GPR179: variants seen among roughly 807,000 people sequenced by gnomAD.
GPR179 encodes the protein probable G protein-coupled receptor 179.
Under a neutral mutation model 70.8 loss-of-function variants are expected in GPR179, and 52 were observed. The ratio of observed to expected loss-of-function variants is 0.73; its 90% CI spans 0.59 to 0.93. The LOEUF is 0.93. GPR179 is among the 40% of genes least tolerant of loss of function. The probability of loss-of-function intolerance (pLI) is 0.00; values close to 1 mark genes in which losing one functional copy is unlikely to be tolerated. For missense variants in GPR179, 2,734 were observed against 2,966.8 expected (o/e 0.92, Z 1.82); for synonymous variants, 1,123 against 1,169.0 (o/e 0.96, Z 0.80).
chr17:38,325,316 A>G lies in GPR179; in HGVS notation c.*1149T>C, dbSNP rs943526558. On this transcript the variant is annotated 3_prime_UTR_variant, in exon 11 of 11. Coordinates refer to ENST00000616987, the MANE Select transcript of GPR179 (RefSeq NM_001004334.4). Reference sequence around the variant, plus strand: ...ACACAGTGCCCTTTTCCCAGCTCTCAGGCTTCTAACTTGCCCTGTAGCACT... The same window carrying G: ...ACACAGTGCCCTTTTCCCAGCTCTCGGGCTTCTAACTTGCCCTGTAGCACT... 6.6e-6 allele frequency among the ~76,000 whole-genome samples: 1 copy of G among 152,210 alleles called. No homozygotes were observed. The highest frequency in any genetic ancestry group is 1.5e-5 in the Non-Finnish European group (1 of 68,034).
Position 38,326,809 on chromosome 17 carries a change from ATTCCTCAGATGGGACTCCAGT to A in GPR179, c.6739_6759del (p.Thr2247_Glu2253del). 6.2e-7 allele frequency: 1 copy of A among 1,614,212 alleles called. No homozygotes were observed. Among genetic ancestry groups the A allele is most frequent in the African/African-American group, 1.3e-5 (1 of 75,056 alleles). On this transcript the variant is annotated inframe_deletion, in exon 11 of 11. Transcript: ENST00000616987. ...GTTGCTGTTAAAGCCAGGAGGCCAG[ATTCCTCAGATGGGACTCCAGT>A]TTCCTCCCCAGGACAGATGTCTGCC...
chr17:38,331,754 T>C (rs1218320337), intron 10 of GPR179, among the ~76,000 whole-genome samples: 1 of 152,144 alleles, frequency 6.6e-6, no homozygotes, highest in Non-Finnish European at 1.5e-5. Flanking sequence ...GGAGGACTCA[T>C]GTGTACCCCC....
Position 38,331,169 on chromosome 17 carries a change from T to C in GPR179, c.2400A>G (p.Arg800=). 6.2e-7 allele frequency: 1 copy of C among 1,608,500 alleles called. No homozygotes were observed. Among genetic ancestry groups the C allele is most frequent in the Non-Finnish European group, 8.5e-7 (1 of 1,179,416 alleles). Residue 800 remains arginine (R), a synonymous_variant, in exon 11 of 11, where the codon CGA becomes CGG. Transcript: ENST00000616987. The part of the protein sequence containing the change: ...LRRKLAKKAS[R]TESRESVEGP... Reference sequence around the variant, plus strand: ...CCTCCACCGACTCCCGGCTCTCTGTTCGAGAGGCCTTCTTGGCCAGCTTCC... The same window carrying C: ...CCTCCACCGACTCCCGGCTCTCTGTCCGAGAGGCCTTCTTGGCCAGCTTCC...
Position 38,326,216 on chromosome 17 carries a change from G to C in GPR179, c.*249C>G, listed in dbSNP as rs1165282945. ...TGGATGGGAGGCGTCCTTAGAAGTA[G>C]AGTGTCCAGTCTTTGTTTCCTCAAA... On this transcript the variant is annotated 3_prime_UTR_variant, in exon 11 of 11. Coordinates refer to ENST00000616987, the MANE Select transcript of GPR179 (RefSeq NM_001004334.4). 4.2e-6 allele frequency: 2 copies of C among 472,244 alleles called. No homozygotes were observed. Among genetic ancestry groups the C allele is most frequent in the East Asian group, 3.2e-5 (1 of 31,708 alleles). The allele number at this position is 472,244 out of a possible 1,614,324, so 29.3% of individuals were successfully genotyped here. A position where few individuals can be genotyped will look rare whatever the true frequency, so the allele number is the denominator to read the frequency against.
At chr17:38,333,113 C>A in intron 10 of GPR179, 138 bp downstream of exon 10, 1 of 724,110 alleles carries the variant, frequency 1.4e-6, no homozygotes, top group Non-Finnish European at 2.3e-6. Flanking sequence ...CAGTTTAGGC[C>A]AGTGGAGAAG....
At position 38,331,392 on chromosome 17, in the gene GPR179, A is replaced by G. The variant is rs201645767; in HGVS notation, c.2177T>C (p.Phe726Ser). 21 of 1,614,012 alleles carry G rather than the reference A, an allele frequency of 1.3e-5. No homozygotes were observed. Among genetic ancestry groups the G allele is most frequent in the Non-Finnish European group, 1.8e-5 (21 of 1,179,960 alleles). ...GRSFMRYLAEFPEALARQHSR... is the reference protein window; with the variant it reads ...GRSFMRYLAESPEALARQHSR... Reference sequence around the variant, plus strand: ...GTGCTGCCTGGCCAGGGCCTCGGGGAATTCCGCCAGGTACCTCATGAAGGA... The same window carrying G: ...GTGCTGCCTGGCCAGGGCCTCGGGGGATTCCGCCAGGTACCTCATGAAGGA... The change falls in exon 11 of 11, where the codon TTC becomes TCC. Residue 726 changes from phenylalanine to serine, a missense_variant. Coordinates refer to ENST00000616987, the MANE Select transcript of GPR179 (RefSeq NM_001004334.4).
rs376149092 is a variant in GPR179 at position 38,331,050 on chromosome 17, G to A, written c.2519C>T (p.Ser840Leu). The stretch of plus-strand genomic sequence containing the variant: ...TTCCCTGGAGCTGGCCACACTGAGC[G>A]ACTTCTGCAGAGAGGCGGGCCGGGC... ...PRARPASLQKSLSVASSREKA... is the reference protein window; with the variant it reads ...PRARPASLQKLLSVASSREKA... The change falls in exon 11 of 11, where the codon TCG becomes TTG. Residue 840 changes from serine (S) to leucine (L), a missense_variant. Coordinates refer to ENST00000616987, the MANE Select transcript of GPR179 (RefSeq NM_001004334.4). 9.3e-6 allele frequency: 15 copies of A among 1,607,348 alleles called. No homozygotes were observed. In the South Asian group the frequency reaches 1.1e-4, roughly 12 times the overall value.
In GPR179 at chr17:38,328,005, A is replaced by G; in HGVS notation, c.5564T>C (p.Leu1855Pro). 6.2e-7 allele frequency: 1 copy of G among 1,614,126 alleles called. No individual in the cohort carries two copies. The highest frequency in any genetic ancestry group is 1.1e-5 in the South Asian group (1 of 91,084). Residue 1855 changes from leucine (L) to proline (P), a missense_variant, in exon 11 of 11, where the codon CTG (leucine) becomes CCG (proline). By Grantham distance (98) the Leu-to-Pro change is moderately conservative. Transcript: ENST00000616987. ...KALEKGRLTS[L>P]GEDVSKGMAK... ...CATCCCTTTTGATACGTCTTCTCCC[A>G]GGGAAGTGAGTCTCCCCTTTTCTAG...
Position 38,328,379 on chromosome 17 carries a change from A to G in GPR179, c.5190T>C (p.Asp1730=), listed in dbSNP as rs762007614. The stretch of plus-strand genomic sequence containing the variant: ...CAAGATCTGCAGAAACCTTGCCTGT[A>G]TCATTTGGAGATTTCCTAATGGCCT... ...GAEAIRKSPN[D]TGKVSADLGP... Residue 1730 remains aspartate (D), a synonymous_variant, in exon 11 of 11, where the codon GAT becomes GAC. Transcript: ENST00000616987. 6.8e-6 allele frequency: 11 copies of G among 1,612,920 alleles called. No homozygotes were observed. The East Asian group carries it at 1.3e-4, about 20-fold the overall frequency.
rs200274687 is a variant in GPR179 at position 38,327,642 on chromosome 17, C to T, written c.5927G>A (p.Arg1976His). The T allele has an allele frequency of 2.5e-4, 409 of 1,614,222 alleles. No homozygotes were observed. Among genetic ancestry groups the T allele is most frequent in the Admixed American group, 6.8e-4 (41 of 60,022 alleles). ...ADSVSHLDRQ[R>H]PDQPKASSQR... is the part of the protein sequence containing the mutation. ...GGAGCTAGCTTTAGGTTGGTCAGGG[C>T]GCTGTCTGTCTAGGTGAGAGACGGA... The change falls in exon 11 of 11, where the codon CGC (arginine) becomes CAC (histidine). Residue 1976 changes from arginine (R) to histidine (H), a missense_variant. Coordinates refer to ENST00000616987, the MANE Select transcript of GPR179 (RefSeq NM_001004334.4).
rs561607837 is a variant in GPR179 at position 38,331,111 on chromosome 17, C to T, written c.2458G>A (p.Ala820Thr). ...PPALGFRSAS[A>T]HNLTVGERLP... ...CTCTCTCCCACCGTCAGGTTGTGGG[C>T]GCTGGCTGACCTGAAGCCCAGGGCA... Residue 820 changes from alanine to threonine, a missense_variant, in exon 11 of 11, where the codon GCC (alanine) becomes ACC (threonine). Transcript: ENST00000616987. The T allele has an allele frequency of 1.4e-5, 22 of 1,602,136 alleles. No homozygotes were observed. In the Admixed American group the frequency reaches 1.8e-4, roughly 13 times the overall value.
rs755944983 is a variant in GPR179 at position 38,330,266 on chromosome 17, G to T, written c.3303C>A (p.Tyr1101Ter). Reference protein sequence around the residue: ...IKALTRSRSTYREKESVEESP... With the variant: ...IKALTRSRST ...TCTCCTCCACACTCTCCTTCTCTCT[G>T]TAGGTGCTCCGAGAACGGGTCAGAG... The change falls in exon 11 of 11, where the codon TAC becomes TAA. Residue 1101 changes from tyrosine to a stop codon, truncating the protein, a stop_gained. Transcript: ENST00000616987. LOFTEE classifies it low-confidence loss of function (END_TRUNC). 6.2e-7 allele frequency: 1 copy of T among 1,601,528 alleles called. No individual in the cohort carries two copies. The highest frequency in any genetic ancestry group is 2.2e-5 in the East Asian group (1 of 44,662).
rs2037402018 is a variant in GPR179 at position 38,336,085 on chromosome 17, A to C, written c.1287T>G (p.Leu429=). The change falls in exon 5 of 11, where the codon CTT becomes CTG. Residue 429 remains leucine (L), a synonymous_variant. Transcript: ENST00000616987. ...GTGGCCACAGACTCACAGGAAAGTAAAGCAGCAGGAATCCAAAAAGGACAG... is the reference window on the plus strand; with the variant it reads ...GTGGCCACAGACTCACAGGAAAGTACAGCAGCAGGAATCCAAAAAGGACAG... ...LETVLFGFLL[L]YFPVFILYFK... is the part of the protein sequence containing the mutation. The C allele has an allele frequency of 6.2e-7, 1 of 1,612,844 alleles. No individual in the cohort carries two copies.
At chr17:38,333,528 GA>G in intron 9 of GPR179, 131 bp from the exon 10 acceptor site, 1 of 966,834 alleles carries the variant, frequency 1.0e-6, no homozygotes, top group East Asian at 2.6e-5. Context: ...GAATTCTGGG[GA>G]TCTTTAGAGT....
intron 2 of GPR179, 101 bp from the exon 3 acceptor site, chr17:38,337,821 G>A (rs1221385540): frequency 8.0e-6 from 8 of 994,698 alleles, no homozygotes; most frequent in Non-Finnish European, 3.1e-6. Context: ...CCCTATCCAT[G>A]GGACTTGGGT....
chr17:38,335,539 TG>T, intron 6 of GPR179, 51 bp downstream of exon 6: 1 of 1,277,928 alleles, frequency 7.8e-7, no homozygotes, highest in Non-Finnish European at 1.1e-6. Flanking sequence ...ATGAGTGAGC[TG>T]GGGTGGTCTG....
chr17:38,331,567 T>C (rs1597665100), intron 10 of GPR179, 36 bp from the exon 11 acceptor site: 1 of 1,566,512 alleles, frequency 6.4e-7, no homozygotes, highest in African/African-American at 1.4e-5. Flanking sequence ...GGGCTGCAGG[T>C]GAGCTCTCTC....
rs1031673520 is a variant in GPR179 at position 38,329,071 on chromosome 17, C to A, written c.4498G>T (p.Glu1500Ter). The change falls in exon 11 of 11, where the codon GAA becomes TAA. Residue 1500 changes from glutamate (E) to a stop codon, truncating the protein, a stop_gained. Coordinates refer to ENST00000616987, the MANE Select transcript of GPR179 (RefSeq NM_001004334.4). LOFTEE classifies it low-confidence loss of function (END_TRUNC). ...GCTTTTTCCTTTTCTTGAAGAGATT[C>A]TCTACCTGTCCCCAGACTCAGCATT... ...QEMLSLGTGR[E>*]SLQEKEKASR... 2 of 1,614,002 alleles carry A rather than the reference C, an allele frequency of 1.2e-6. No homozygotes were observed. The highest frequency in any genetic ancestry group is 2.2e-5 in the East Asian group (1 of 44,858).
chr17:38,327,175 G>C lies in GPR179; in HGVS notation c.6394C>G (p.Pro2132Ala). 6.2e-7 allele frequency: 1 copy of C among 1,614,162 alleles called. No homozygotes were observed. The highest frequency in any genetic ancestry group is 8.5e-7 in the Non-Finnish European group (1 of 1,180,030). ...APSAKKAEIC[P>A]WEAGGGAAEE... ...GCTGCTCCTCCACCCGCCTCCCAAG[G>C]GCAGATCTCTGCTTTCTTGGCAGAG... is the stretch of plus-strand genomic sequence containing the variant. The change falls in exon 11 of 11, where the codon CCT becomes GCT. Residue 2132 changes from proline (P) to alanine (A), a missense_variant. Physicochemically the swap from Pro to Ala is conservative, Grantham distance 27. Transcript: ENST00000616987.
Sources: gnomAD v4.1 joint callset for allele counts (sites outside exome capture counted in the v4.1 genomes callset) on GRCh38, gnomAD v4.1.1 for gene constraint, MANE v1.5 for transcripts, NCBI Gene and HGNC (gene_info 2026-07-23, HGNC 2026-07-21) for gene names.